Variants in MBNL1 observed in about 807,000 individuals in gnomAD.
The protein encoded by MBNL1 is muscleblind-like protein 1.
MBNL1 carries 8 observed loss-of-function variants against 42.2 expected under a neutral mutation model. That is an observed-to-expected ratio of 0.19 (90% CI 0.11 to 0.34). The LOEUF (loss-of-function observed/expected upper bound fraction) is 0.34. MBNL1 is among the 10% of genes least tolerant of loss of function. The pLI is 1.00. For missense variants in MBNL1, 309 were observed against 495.3 expected, an observed-to-expected ratio of 0.62 and a Z score of 3.57; for synonymous variants, 169 against 173.9, an observed-to-expected ratio of 0.97 and a Z score of 0.22.
At chr3:152,341,750 T>C (rs983643566) in intron 2 of MBNL1, among the ~76,000 whole-genome samples, 4 of 152,194 alleles carry the variant, frequency 2.6e-5, no homozygotes, top group African/African-American at 9.6e-5. Context: ...GGCATATCCA[T>C]GTAGAAAATA....
At chr3:152,447,245 A>G (rs765276804) in intron 5 of MBNL1, among the ~76,000 whole-genome samples, 28 of 152,196 alleles carry the variant, frequency 1.8e-4, no homozygotes, top group Non-Finnish European at 3.8e-4. Context: ...ACAATTAACT[A>G]TTAACATTGC....
intron 2 of MBNL1, among the ~76,000 whole-genome samples, chr3:152,398,890 TATG>T (rs1273783098): frequency 6.6e-6 from 1 of 152,198 alleles, no homozygotes; most frequent in Non-Finnish European, 1.5e-5. Context: ...TGCCCCAATG[TATG>T]ATATTTCCTC....
At position 152,456,290 on chromosome 3, in the gene MBNL1, C is replaced by T; in HGVS notation, c.1021C>T (p.Pro341Ser). The T allele has an allele frequency of 6.2e-7, 1 of 1,613,874 alleles. No individual in the cohort carries two copies. Among genetic ancestry groups the T allele is most frequent in the Non-Finnish European group, 8.5e-7 (1 of 1,179,774 alleles). The change falls in exon 8 of 10, where the codon CCA becomes TCA. Residue 341 changes from proline (P) to serine (S), a missense_variant. Transcript: ENST00000324210. ...SVVPMVHGAT[P>S]ATVSAATTSA... The stretch of plus-strand genomic sequence containing the variant: ...AGTTCCCATGGTGCACGGTGCTACG[C>T]CAGCCACTGTGTCCGCAGCAACAAC...
intron 8 of MBNL1, chr3:152,458,951 G>A (rs977215421): frequency 1.0e-5 from 2 of 199,232 alleles, no homozygotes; most frequent in Non-Finnish European, 2.0e-5. Context: ...GAAACCACGG[G>A]GGTGCGTGTG....
chr3:152,431,616 C>G (rs1336499321), intron 3 of MBNL1, among the ~76,000 whole-genome samples: 1 of 152,098 alleles, frequency 6.6e-6, no homozygotes, highest in African/African-American at 2.4e-5. Context: ...TAATTCTGTT[C>G]ATTACTGCTG....
At chr3:152,279,234 C>T (rs1451644419) in intron 1 of MBNL1, among the ~76,000 whole-genome samples, 1 of 151,982 alleles carries the variant, frequency 6.6e-6, no homozygotes, top group Non-Finnish European at 1.5e-5. Flanking sequence ...ATGAATTGGG[C>T]CGGTGAGTCA....
intron 6 of MBNL1, among the ~76,000 whole-genome samples, chr3:152,451,533 A>G (rs1456674816): frequency 6.6e-6 from 1 of 152,036 alleles, no homozygotes; most frequent in Non-Finnish European, 1.5e-5. Flanking sequence ...GTCAATAAAC[A>G]TTGATTGTAT....
upstream of MBNL1, chr3:152,267,526 C>G (rs527498816): frequency 6.6e-6 from 1 of 152,222 alleles, no homozygotes; most frequent in Non-Finnish European, 1.5e-5. Flanking sequence ...GTCTTCGTAG[C>G]TTGGGGTAGA....
At chr3:152,253,479 G>C (rs2034980148) in intron 2 of MBNL1, among the ~76,000 whole-genome samples, 1 of 151,954 alleles carries the variant, frequency 6.6e-6, no homozygotes, top group Non-Finnish European at 1.5e-5. Flanking sequence ...TTCTATTCTT[G>C]CATCCCTACC....
intron 2 of MBNL1, among the ~76,000 whole-genome samples, chr3:152,344,539 A>C (rs1157922951): frequency 6.6e-6 from 1 of 152,194 alleles, no homozygotes; most frequent in African/African-American, 2.4e-5. Flanking sequence ...GTAAAACTCA[A>C]ACCAAGTGTT....
intron 8 of MBNL1, chr3:152,458,428 G>C: frequency 2.0e-6 from 1 of 510,044 alleles, no homozygotes; most frequent in East Asian, 3.4e-5. Context: ...TGCTGAAATG[G>C]GATTAGTATC....
intron 2 of MBNL1, among the ~76,000 whole-genome samples, chr3:152,259,603 G>C (rs1318578591): frequency 1.3e-5 from 2 of 152,198 alleles, no homozygotes; most frequent in Non-Finnish European, 2.9e-5. Flanking sequence ...TTAAGCCCAG[G>C]AAGTGAATGA....
intron 2 of MBNL1, among the ~76,000 whole-genome samples, chr3:152,341,346 T>A (rs1182226294): frequency 6.6e-6 from 1 of 152,226 alleles, no homozygotes; most frequent in Non-Finnish European, 1.5e-5. Flanking sequence ...TATAAGAATG[T>A]AAATTATGAA....
chr3:152,458,181 A>T, intron 8 of MBNL1: 3 of 1,613,876 alleles, frequency 1.9e-6, no homozygotes, highest in Non-Finnish European at 2.5e-6. Flanking sequence ...GTCCTGCAGC[A>T]GCAGGAAAAA....
intron 3 of MBNL1, among the ~76,000 whole-genome samples, chr3:152,419,981 A>C (rs985017132): frequency 4.6e-5 from 7 of 152,198 alleles, no homozygotes; most frequent in Non-Finnish European, 8.8e-5. Context: ...ATGTAAACCA[A>C]GCTGCCAGGA....
intron 2 of MBNL1, among the ~76,000 whole-genome samples, chr3:152,414,185 C>T (rs888339346): frequency 1.1e-4 from 16 of 152,176 alleles, no homozygotes; most frequent in East Asian, 1.9e-4. Context: ...GGTAGTGCAC[C>T]GCCATTCCTG....
At chr3:152,269,161 C>G in intron 1 of MBNL1, 69 bp downstream of exon 1, 1 of 422,066 alleles carries the variant, frequency 2.4e-6, no homozygotes, top group Admixed American at 2.5e-5. Flanking sequence ...CTGCCCGTGG[C>G]TGAAGGAGGA....
chr3:152,287,289 ATAT>A (rs1386213564), intron 1 of MBNL1, among the ~76,000 whole-genome samples: 1 of 152,188 alleles, frequency 6.6e-6, no homozygotes, highest in Non-Finnish European at 1.5e-5. Context: ...ATTTAAAATA[ATAT>A]TAATAATCAT....
intron 2 of MBNL1, among the ~76,000 whole-genome samples, chr3:152,390,648 CTGATA>C (rs2097679321): frequency 1.3e-5 from 2 of 151,854 alleles, no homozygotes; most frequent in African/African-American, 2.4e-5. Flanking sequence ...CACACACACT[CTGATA>C]TAAGTGGGTT....
Sources: gnomAD v4.1 joint callset for allele counts (sites outside exome capture counted in the v4.1 genomes callset) on GRCh38, gnomAD v4.1.1 for gene constraint, MANE v1.5 for transcripts, NCBI Gene and HGNC (gene_info 2026-07-23, HGNC 2026-07-21) for gene names.